The following PRRC2B variants were observed in gnomAD, a reference collection of about 807,000 sequenced individuals.
PRRC2B encodes proline rich coiled-coil 2B.
A neutral mutation model predicts 242.3 loss-of-function variants in PRRC2B; 68 were observed. The ratio of observed to expected loss-of-function variants is 0.28; its 90% confidence interval spans 0.23 to 0.34. The LOEUF (loss-of-function observed/expected upper bound fraction) is 0.34, where lower values mean the gene tolerates loss of function less well. Among genes scored for constraint, PRRC2B ranks in the 10% least tolerant of loss-of-function variants. The pLI, the probability that PRRC2B is intolerant of heterozygous loss-of-function variation, is 1.00. For missense variants in PRRC2B, 2,835 were observed against 2,954.8 expected (o/e 0.96, Z 0.94); for synonymous variants, 1,228 against 1,173.6 (o/e 1.05, Z -0.95).
intron 10 of PRRC2B, 57 bp from the exon 11 acceptor site, chr9:131,459,107 G>C: frequency 6.5e-7 from 1 of 1,531,132 alleles, no homozygotes. Context: ...TGACCAGTGA[G>C]ATCAGAAATG....
In PRRC2B at chr9:131,448,543, C is replaced by CAAAAAAAAAAAAAAAAAAAAA. The variant is rs754661321; in HGVS notation, c.1120+746_1120+766dup. On this transcript the variant is annotated intron_variant, in intron 9 of 31. Coordinates refer to ENST00000683519, the MANE Select transcript of PRRC2B (RefSeq NM_013318.4). The stretch of plus-strand genomic sequence containing the variant: ...TGGGCGACAGAGGGAGACACTGTCT[C>CAAAAAAAAAAAAAAAAAAAAA]AAAAAAAAAAAAAAAAAAAAAAAAA... Among the ~76,000 whole-genome samples the CAAAAAAAAAAAAAAAAAAAAA allele has an allele frequency of 6.5e-3, 261 of 39,882 alleles. 91 individuals carry two copies. The highest frequency in any genetic ancestry group is 8.2e-3 in the Non-Finnish European group (153 of 18,704). 26.2% of individuals were successfully genotyped at this position (39,882 alleles called of 152,430 possible).
intron 10 of PRRC2B, among the ~76,000 whole-genome samples, chr9:131,457,223 G>T (rs1175771370): frequency 1.3e-5 from 2 of 152,230 alleles, no homozygotes; most frequent in Non-Finnish European, 2.9e-5. Flanking sequence ...TTTGGATGCA[G>T]TCGGGACATA....
rs138772594 is a variant in PRRC2B, at chr9:131,386,409, G to A, written c.-56+12678G>A. On this transcript the variant is annotated intron_variant, in intron 1 of 1. Coordinates refer to the PRRC2B transcript ENST00000682525. Reference sequence around the variant, plus strand: ...CGTGATTATAGGTGTGAGCCACTGCGCCTGGCCTATGCCTGTGGCTTTTTA... The same window carrying A: ...CGTGATTATAGGTGTGAGCCACTGCACCTGGCCTATGCCTGTGGCTTTTTA... Among the ~76,000 whole-genome samples the A allele has an allele frequency of 2.5e-3, 379 of 150,392 alleles. 9 individuals carry two copies. Among genetic ancestry groups the A allele is most frequent in the African/African-American group, 8.7e-3 (359 of 41,322 alleles).
chr9:131,421,772 A>T (rs763066083), intron 1 of PRRC2B, among the ~76,000 whole-genome samples: 1 of 152,208 alleles, frequency 6.6e-6, no homozygotes, highest in Non-Finnish European at 1.5e-5. Context: ...TGTTGGTGGC[A>T]TGGCGTAAAT....
At position 131,420,944 on chromosome 9, in the gene PRRC2B, A is replaced by G. The variant is rs143770486; in HGVS notation, c.-51-9150A>G. Among the ~76,000 whole-genome samples, 933 of 152,208 alleles carry G rather than the reference A, an allele frequency of 6.1e-3. 14 individuals are homozygous for G. Among genetic ancestry groups the G allele is most frequent in the African/African-American group, 0.022 (899 of 41,536 alleles). On this transcript the variant is annotated intron_variant, in intron 1 of 31. Coordinates refer to ENST00000683519, the MANE Select transcript of PRRC2B (RefSeq NM_013318.4). Reference sequence around the variant, plus strand: ...CACACAAGTTCATCATCATCTTGCAATGTATTCATGTCCATACTTTACCCT... The same window carrying G: ...CACACAAGTTCATCATCATCTTGCAGTGTATTCATGTCCATACTTTACCCT...
chr9:131,432,545 C>G (rs759695590), intron 2 of PRRC2B, 72 bp from the exon 3 acceptor site: 34 of 1,385,490 alleles, frequency 2.5e-5, no homozygotes, highest in Non-Finnish European at 3.2e-5. Flanking sequence ...GAAAGAACAG[C>G]TGAATGCATC....
intron 1 of PRRC2B, among the ~76,000 whole-genome samples, chr9:131,422,358 G>A (rs1837866318): frequency 6.6e-6 from 1 of 152,194 alleles, no homozygotes; most frequent in African/African-American, 2.4e-5. Context: ...CCTGCCGGGT[G>A]TGTTACTTTT....
At chr9:131,465,920 T>C (rs1324801004) in intron 12 of PRRC2B, among the ~76,000 whole-genome samples, 2 of 152,174 alleles carry the variant, frequency 1.3e-5, no homozygotes, top group Non-Finnish European at 1.5e-5. Context: ...AGACAGGGTT[T>C]CGCCATGTTG....
chr9:131,491,172 C>G (rs1944183008), intron 28 of PRRC2B: 4 of 447,188 alleles, frequency 8.9e-6, no homozygotes, highest in Non-Finnish European at 1.6e-5. Context: ...CTGCAGCCAG[C>G]TTAGTCTTGC....
At position 131,447,213 on chromosome 9, in the gene PRRC2B, C is replaced by A. The variant is rs1475468956; in HGVS notation, c.977+7C>A. 1.2e-6 allele frequency: 2 copies of A among 1,613,928 alleles called. No homozygotes were observed. Among genetic ancestry groups the A allele is most frequent in the Non-Finnish European group, 1.7e-6 (2 of 1,179,854 alleles). ...AGATGAATGACCAAGACGGGTGAGT[C>A]CATTGCATTACAGTCACGTGTGTAG... On this transcript the variant is annotated splice_region_variant and intron_variant, in intron 8 of 31. Coordinates refer to ENST00000683519, the MANE Select transcript of PRRC2B (RefSeq NM_013318.4).
chr9:131,481,614 G>T (rs887968063), intron 19 of PRRC2B, 112 bp from the exon 20 acceptor site: 11 of 837,052 alleles, frequency 1.3e-5, no homozygotes, highest in Non-Finnish European at 2.2e-5. Flanking sequence ...TGCAGGGGAG[G>T]CAGGGGAGTT....
At chr9:131,381,616 T>C (rs1244580224) in intron 1 of PRRC2B, among the ~76,000 whole-genome samples, 1 of 152,090 alleles carries the variant, frequency 6.6e-6, no homozygotes, top group Non-Finnish European at 1.5e-5. Flanking sequence ...AGATGGGGTT[T>C]CACCGTGTTA....
At chr9:131,486,373 G>C in intron 26 of PRRC2B, 191 bp downstream of exon 26, 2 of 523,444 alleles carry the variant, frequency 3.8e-6, no homozygotes, top group South Asian at 1.7e-4. Flanking sequence ...CAGGGAAGAG[G>C]AGTGGAGTTG....
chr9:131,490,480 C>A (rs1176631410), intron 28 of PRRC2B: 1 of 519,086 alleles, frequency 1.9e-6, no homozygotes, highest in Admixed American at 1.9e-5. Context: ...CTCTGGCCAC[C>A]ACAAGTCTCA....
intron 1 of PRRC2B, among the ~76,000 whole-genome samples, chr9:131,381,386 T>TA (rs1428556831): frequency 6.6e-6 from 1 of 151,872 alleles, no homozygotes; most frequent in Non-Finnish European, 1.5e-5. Context: ...CATTGCTTCT[T>TA]ATACTCAACC....
At chr9:131,469,653 G>A (rs578097571) in intron 13 of PRRC2B, among the ~76,000 whole-genome samples, 1 of 152,314 alleles carries the variant, frequency 6.6e-6, no homozygotes, top group South Asian at 2.1e-4. Context: ...GCTGGAGGCC[G>A]TTTGGGTGTC....
Position 131,478,525 on chromosome 9 carries a change from G to T in PRRC2B, c.4664G>T (p.Gly1555Val), listed in dbSNP as rs747598481. 11 of 1,613,094 alleles carry T rather than the reference G, an allele frequency of 6.8e-6. No individual in the cohort carries two copies. The highest frequency in any genetic ancestry group is 9.3e-6 in the Non-Finnish European group (11 of 1,179,466). ...AGCCCCGGGGAGGAGAGTGAGGTGG[G>T]TTCTATGGTGGGCGAAGGCTTCATC... is the stretch of plus-strand genomic sequence containing the variant. ...GSSPGEESEVGSMVGEGFIEV... is the reference protein window; with the variant it reads ...GSSPGEESEVVSMVGEGFIEV... The change falls in exon 18 of 32, where the codon GGT becomes GTT. Residue 1555 changes from glycine to valine, a missense_variant. This residue lies in a region of PRRC2B where 1,536 missense variants were observed against 1,483.1 expected (regional missense o/e 1.04). Coordinates refer to ENST00000683519, the MANE Select transcript of PRRC2B (RefSeq NM_013318.4).
At chr9:131,420,453 T>TTTTCTTTTTCTTTCTTTC (rs1837777532) in intron 1 of PRRC2B, among the ~76,000 whole-genome samples, 14 of 61,054 alleles carry the variant, frequency 2.3e-4, no homozygotes, top group Admixed American at 6.4e-4. Flanking sequence ...TTCTTTTTCT[T>TTTTCTTTTTCTTTCTTTC]TTTCTTTCTT....
chr9:131,402,175 C>T (rs539002725), intron 1 of PRRC2B, among the ~76,000 whole-genome samples: 81 of 152,274 alleles, frequency 5.3e-4, no homozygotes, highest in African/African-American at 1.8e-3. Context: ...AGGCTGGTCT[C>T]GAACTCCTGA....
Sources: allele counts gnomAD v4.1 joint callset (sites outside exome capture counted in the v4.1 genomes callset), GRCh38; gene constraint gnomAD v4.1.1; regional missense constraint gnomAD v4.1.1; transcripts MANE v1.5; gene names NCBI Gene and HGNC (gene_info 2026-07-23, HGNC 2026-07-21).